DDHD1: variants seen among roughly 807,000 people sequenced by gnomAD.
DDHD1 encodes phospholipase DDHD1.
In DDHD1, 49 loss-of-function variants were observed where a neutral mutation model predicts 96.4. The observed-to-expected ratio is 0.51, with a 90% confidence interval of 0.40 to 0.64. The LOEUF (loss-of-function observed/expected upper bound fraction) is 0.64. Ranked by LOEUF, DDHD1 falls within the 30% of genes least tolerant of loss-of-function variation. The probability of loss-of-function intolerance (pLI) is 0.00; values close to 1 mark genes in which losing one functional copy is unlikely to be tolerated. For missense variants in DDHD1, 1,106 were observed against 1,161.2 expected (o/e 0.95, Z 0.69); for synonymous variants, 442 against 446.5 (o/e 0.99, Z 0.13).
At chr14:53,076,781 C>T (rs1884996422) in intron 4 of DDHD1, among the ~76,000 whole-genome samples, 1 of 152,150 alleles carries the variant, frequency 6.6e-6, no homozygotes, top group Non-Finnish European at 1.5e-5. Flanking sequence ...ACGCAAGACC[C>T]TTCAACAGCA....
rs963200763 is a variant in DDHD1, at chr14:53,153,280, G to A, written c.-182C>T. On this transcript the variant is annotated 5_prime_UTR_variant, in exon 1 of 13. In the 5' UTR this introduces an upstream ATG that the reference lacks. Transcript: ENST00000673822. ...CGAGACCCGCAGCCGCCGCAGCTGCGTTCTGCCGCCGGCCCCATTGTCACG... is the reference window on the plus strand; with the variant it reads ...CGAGACCCGCAGCCGCCGCAGCTGCATTCTGCCGCCGGCCCCATTGTCACG... 3 of 455,426 alleles carry A rather than the reference G, an allele frequency of 6.6e-6. No homozygotes were observed. The highest frequency in any genetic ancestry group is 1.1e-5 in the Non-Finnish European group (3 of 275,308). The allele number at this position is 455,426 out of a possible 1,614,324, so 28.2% of individuals were successfully genotyped here.
intron 1 of DDHD1, among the ~76,000 whole-genome samples, chr14:53,125,864 G>A (rs1406347004): frequency 1.3e-5 from 2 of 152,066 alleles, no homozygotes; most frequent in Non-Finnish European, 2.9e-5. Context: ...ACCATGCCCG[G>A]CTAATTTTTT....
chr14:53,073,764 C>T lies in DDHD1; in HGVS notation c.1373G>A (p.Arg458Gln), dbSNP rs1884724474. 5 of 1,604,692 alleles carry T rather than the reference C, an allele frequency of 3.1e-6. No homozygotes were observed. Among genetic ancestry groups the T allele is most frequent in the Admixed American group, 1.7e-5 (1 of 59,294 alleles). ...ACCTCCATCAAGAGTAAGTTTTGAC[C>T]GCCACTCAACAGGCAGAAATTCAAC... The part of the protein sequence containing the change: ...THVEFLPVEW[R>Q]SKLTLDGDTV... Residue 458 changes from arginine to glutamine, a missense_variant, in exon 5 of 13, where the codon CGG becomes CAG. Arg to Gln is a conservative substitution (Grantham distance 43, BLOSUM62 1). Coordinates refer to ENST00000673822, the MANE Select transcript of DDHD1 (RefSeq NM_001160148.2).
intron 1 of DDHD1, among the ~76,000 whole-genome samples, chr14:53,128,441 T>C (rs947244115): frequency 6.6e-6 from 1 of 152,214 alleles, no homozygotes; most frequent in East Asian, 1.9e-4. Context: ...GCCTTCTCAC[T>C]GTGCCCTCAC....
chr14:53,127,580 G>A (rs748855855), intron 1 of DDHD1, among the ~76,000 whole-genome samples: 13 of 152,184 alleles, frequency 8.5e-5, no homozygotes, highest in South Asian at 2.1e-4. Context: ...AAGACTAACC[G>A]TGAAGAATCC....
rs769303953 is a variant in DDHD1 at position 53,146,418 on chromosome 14, C to T, written c.838+5843G>A. Among the ~76,000 whole-genome samples, 4 of 150,872 alleles carry T rather than the reference C, an allele frequency of 2.7e-5. No homozygotes were observed. In the East Asian group the frequency reaches 5.8e-4, roughly 22 times the overall value. On this transcript the variant is annotated intron_variant, in intron 1 of 12. Transcript: ENST00000673822. ...ACTAGGGAGGCTGAAGCAGGAGAAT[C>T]GCTTGAACCTGGGAGGCAGAGGTTG...
Position 53,152,994 on chromosome 14 carries a change from GC to G in DDHD1, c.104del (p.Gly35AlafsTer125), listed in dbSNP as rs1566617297. The G allele has an allele frequency of 6.5e-7, 1 of 1,547,100 alleles. No homozygotes were observed. Among genetic ancestry groups the G allele is most frequent in the Non-Finnish European group, 8.7e-7 (1 of 1,149,136 alleles). On this transcript the variant is annotated frameshift_variant, in exon 1 of 13. Coordinates refer to ENST00000673822, the MANE Select transcript of DDHD1 (RefSeq NM_001160148.2). LOFTEE classifies it high-confidence loss of function. Reference sequence around the variant, plus strand: ...GGTGCTCGAAGCAGCAGACGCCGCCGCCGAACGCTGGCCTCGCGTCTGAGCC... The same window carrying G: ...GGTGCTCGAAGCAGCAGACGCCGCCGCGAACGCTGGCCTCGCGTCTGAGCC... The part of the protein sequence containing the change: ...ELGSDARPAF[G>X]GGVCCFEHLP...
intron 6 of DDHD1, among the ~76,000 whole-genome samples, chr14:53,066,621 A>G (rs902112094): frequency 2.6e-5 from 4 of 152,126 alleles, no homozygotes; most frequent in Non-Finnish European, 5.9e-5. Flanking sequence ...ATTGCCTAAC[A>G]CCAATGCCAT....
intron 2 of DDHD1, among the ~76,000 whole-genome samples, chr14:53,094,233 A>G (rs1012852815): frequency 6.6e-6 from 1 of 152,106 alleles, no homozygotes; most frequent in African/African-American, 2.4e-5. Flanking sequence ...CTCAGAGGGG[A>G]AAAAAATTTA....
At chr14:53,069,047 A>G (rs1333583209) in intron 6 of DDHD1, among the ~76,000 whole-genome samples, 1 of 152,166 alleles carries the variant, frequency 6.6e-6, no homozygotes, top group African/African-American at 2.4e-5. Flanking sequence ...TCAATGATCT[A>G]TAAATAATAA....
intron 1 of DDHD1, among the ~76,000 whole-genome samples, chr14:53,131,647 A>G (rs1213904519): frequency 6.6e-6 from 1 of 152,142 alleles, no homozygotes; most frequent in Non-Finnish European, 1.5e-5. Context: ...CCTGAGCTGT[A>G]CTGCCGGAAG....
rs113463836 is a variant in DDHD1, at chr14:53,046,611, CT to C, written c.*156del. The C allele has an allele frequency of 0.01, 4,163 of 404,286 alleles. No individual in the cohort carries two copies. Among genetic ancestry groups the C allele is most frequent in the Middle Eastern group, 0.014 (20 of 1,454 alleles). The allele number at this position is 404,286 out of a possible 1,614,324, so 25.0% of individuals were successfully genotyped here. ...ATGACTTCTTCAGAACTGAAAACTTCTTTTTTTTTTAAATAAAGTGCTTTTA... is the reference window on the plus strand; with the variant it reads ...ATGACTTCTTCAGAACTGAAAACTTCTTTTTTTTTAAATAAAGTGCTTTTA... On this transcript the variant is annotated 3_prime_UTR_variant, in exon 13 of 13. Coordinates refer to ENST00000673822, the MANE Select transcript of DDHD1 (RefSeq NM_001160148.2).
chr14:53,122,506 G>T (rs1296252299), intron 1 of DDHD1, among the ~76,000 whole-genome samples: 1 of 151,956 alleles, frequency 6.6e-6, no homozygotes, highest in Non-Finnish European at 1.5e-5. Context: ...ACAGATAGTG[G>T]CTGCTACCTG....
rs1367342869 is a variant in DDHD1, at chr14:53,153,083, G to A, written c.16C>T (p.Arg6Cys). The A allele has an allele frequency of 4.9e-6, 7 of 1,442,492 alleles. No individual in the cohort carries two copies. In the East Asian group the frequency reaches 1.4e-4, roughly 30 times the overall value. The allele number at this position is 1,442,492 out of a possible 1,614,324, so 89.4% of individuals were successfully genotyped here. ...TGCTCGGGGCTCCGTGGGGACCCGCGGCCCGGGTAATTCATGCTGTGGAGA... is the reference window on the plus strand; with the variant it reads ...TGCTCGGGGCTCCGTGGGGACCCGCAGCCCGGGTAATTCATGCTGTGGAGA... MNYPG[R>C]GSPRSPEHNG... The change falls in exon 1 of 13, where the codon CGC becomes TGC. Residue 6 changes from arginine to cysteine, a missense_variant. Arg to Cys is a radical substitution (Grantham distance 180). Around this residue, in one of 2 missense-constraint regions of DDHD1, gnomAD observed 456 missense variants for 402.4 expected, o/e 1.13. Coordinates refer to ENST00000673822, the MANE Select transcript of DDHD1 (RefSeq NM_001160148.2).
intron 4 of DDHD1, among the ~76,000 whole-genome samples, chr14:53,085,839 T>C (rs1302159695): frequency 6.6e-6 from 1 of 152,048 alleles, no homozygotes; most frequent in African/African-American, 2.4e-5. Context: ...AGGTTGGTAA[T>C]AACAAACTTC....
chr14:53,143,717 G>A (rs191724142), intron 1 of DDHD1, among the ~76,000 whole-genome samples: 2 of 152,334 alleles, frequency 1.3e-5, no homozygotes, highest in East Asian at 3.8e-4. Flanking sequence ...CTTAATGCTT[G>A]CTTGGACCAG....
Position 53,042,259 on chromosome 14 carries a change from TTGAATTTGTCAATTCCTAAACTTAGTTTC to T in DDHD1, c.*4480_*4508del, listed in dbSNP as rs1480438838. On this transcript the variant is annotated 3_prime_UTR_variant, in exon 13 of 13. Coordinates refer to ENST00000673822, the MANE Select transcript of DDHD1 (RefSeq NM_001160148.2). The stretch of plus-strand genomic sequence containing the variant: ...CAAAGCCCTGCTGTAAGGGAGATTT[TTGAATTTGTCAATTCCTAAACTTAGTTTC>T]TGACATGACACCTGTTAATATTTGC... The T allele has an allele frequency of 2.0e-5, 3 of 152,366 alleles. No homozygotes were observed. The highest frequency in any genetic ancestry group is 7.2e-5 in the African/African-American group (3 of 41,592). 9.4% of individuals were successfully genotyped at this position (152,366 alleles called of 1,614,324 possible). A position where few individuals can be genotyped will look rare whatever the true frequency, so the allele number is the denominator to read the frequency against.
Position 53,105,352 on chromosome 14 carries a change from A to G in DDHD1, c.839-1496T>C, listed in dbSNP as rs1014635569. On this transcript the variant is annotated intron_variant, in intron 1 of 12. Coordinates refer to ENST00000673822, the MANE Select transcript of DDHD1 (RefSeq NM_001160148.2). ...GAAATATACTAGATGATCTTGAGAC[A>G]TCTTGTCATACCAGATTTGTACTGT... 2.6e-5 allele frequency among the ~76,000 whole-genome samples: 4 copies of G among 152,202 alleles called. No individual in the cohort carries two copies. In the East Asian group the frequency reaches 5.8e-4, roughly 22 times the overall value.
chr14:53,069,686 ATACT>A (rs1884347448), intron 6 of DDHD1, among the ~76,000 whole-genome samples: 2 of 152,194 alleles, frequency 1.3e-5, no homozygotes, highest in African/African-American at 4.8e-5. Context: ...TATATAAGTA[ATACT>A]TACAACACAC....
Sources: allele counts gnomAD v4.1 joint callset (sites outside exome capture counted in the v4.1 genomes callset), GRCh38; gene constraint gnomAD v4.1.1; regional missense constraint gnomAD v4.1.1; transcripts MANE v1.5; gene names NCBI Gene and HGNC (gene_info 2026-07-23, HGNC 2026-07-21).